Variants in VAV2 observed in about 807,000 individuals in gnomAD.
The protein encoded by VAV2 is guanine nucleotide exchange factor VAV2.
In VAV2, 67 loss-of-function variants were observed where a neutral mutation model predicts 132.5. That is an observed-to-expected ratio of 0.51 (90% confidence interval 0.42 to 0.62). VAV2 has a LOEUF of 0.62. Ranked by LOEUF, VAV2 falls within the 20% of genes least tolerant of loss-of-function variation. The pLI is 0.00. For missense variants in VAV2, 938 were observed against 1,153.6 expected, an observed-to-expected ratio of 0.81 and a Z score of 2.71; for synonymous variants, 492 against 443.5, an observed-to-expected ratio of 1.11 and a Z score of -1.37.
intron 3 of VAV2, among the ~76,000 whole-genome samples, chr9:133,853,953 T>C (rs768898621): frequency 6.6e-6 from 1 of 152,076 alleles, no homozygotes; most frequent in South Asian, 2.1e-4. Flanking sequence ...ATGAGCAAGA[T>C]CCAGGCCTGC....
intron 1 of VAV2, among the ~76,000 whole-genome samples, chr9:133,948,716 T>A (rs111894455): frequency 0.024 from 3,598 of 152,324 alleles, 131 homozygotes; most frequent in African/African-American, 0.083. Flanking sequence ...GTCCGGTGGC[T>A]CTTCCACTTT....
intron 1 of VAV2, among the ~76,000 whole-genome samples, chr9:133,940,891 T>C (rs1479892933): frequency 1.3e-5 from 2 of 148,698 alleles, no homozygotes; most frequent in Middle Eastern, 3.4e-3. Flanking sequence ...TTCCCTAATA[T>C]ATAAAGGACA....
At chr9:133,871,223 C>T (rs1426220695) in intron 2 of VAV2, among the ~76,000 whole-genome samples, 2 of 103,270 alleles carry the variant, frequency 1.9e-5, no homozygotes, top group South Asian at 3.5e-4. Context: ...TAAGTGGGTA[C>T]GTAGGTGGGT....
chr9:133,941,038 G>C (rs983266863), intron 1 of VAV2, among the ~76,000 whole-genome samples: 3 of 151,958 alleles, frequency 2.0e-5, no homozygotes, highest in African/African-American at 7.3e-5. Context: ...GAACTTTCTG[G>C]AATGACAGGA....
chr9:133,801,743 A>G (rs545383156), intron 9 of VAV2, among the ~76,000 whole-genome samples: 1 of 152,316 alleles, frequency 6.6e-6, no homozygotes, highest in East Asian at 1.9e-4. Context: ...CCTGACTCCA[A>G]TGAGAGTGGC....
chr9:133,915,048 G>C (rs1840027730), intron 2 of VAV2, among the ~76,000 whole-genome samples: 1 of 152,118 alleles, frequency 6.6e-6, no homozygotes, highest in Admixed American at 6.5e-5. Flanking sequence ...TGGGAATCTT[G>C]AAAACACCAA....
intron 12 of VAV2, among the ~76,000 whole-genome samples, chr9:133,793,612 C>A (rs7045014): frequency 6.6e-6 from 1 of 152,110 alleles, no homozygotes; most frequent in Non-Finnish European, 1.5e-5. Flanking sequence ...GCGGCCCCTG[C>A]GTGCACCTGG....
Position 133,788,139 on chromosome 9 carries a change from C to T in VAV2, c.1407+215G>A, listed in dbSNP as rs554922686. 1.7e-4 allele frequency among the ~76,000 whole-genome samples: 26 copies of T among 152,292 alleles called. No homozygotes were observed. The highest frequency in any genetic ancestry group is 4.3e-4 in the African/African-American group (18 of 41,562). On this transcript the variant is annotated intron_variant, in intron 15 of 29. Transcript: ENST00000371850. This position sits in a 1 kb window ranked among gnomAD's most constrained non-coding sequence, Gnocchi z 5.3. ...CCACCTTTCTGGGGGGCGCTGGGCC[C>T]GGCGAGGAGCAGGCCTGCTATGAGC...
At chr9:133,767,745 T>C (rs1404913666) in intron 29 of VAV2, among the ~76,000 whole-genome samples, 1 of 152,234 alleles carries the variant, frequency 6.6e-6, no homozygotes, top group Non-Finnish European at 1.5e-5. Context: ...ACTGGCCCTC[T>C]GAAGCCCCAT....
In VAV2 at chr9:133,870,698, T is replaced by C. The variant is rs55977312; in HGVS notation, c.322-9266A>G. Among the ~76,000 whole-genome samples the C allele has an allele frequency of 7.5e-3, 1,128 of 150,624 alleles. 18 individuals carry two copies. Among genetic ancestry groups the C allele is most frequent in the African/African-American group, 0.026 (1,056 of 40,816 alleles). On this transcript the variant is annotated intron_variant, in intron 2 of 29. Transcript: ENST00000371850. ...ATAAGTCGGTGGGTGGGTGGATGGA[T>C]AAGTGGGTGGGTGGGTGAACAGACG...
intron 2 of VAV2, among the ~76,000 whole-genome samples, chr9:133,898,208 T>C (rs1839291168): frequency 6.6e-6 from 1 of 152,080 alleles, no homozygotes; most frequent in African/African-American, 2.4e-5. Flanking sequence ...CAGGTTGATC[T>C]AGTGTCACCG....
intron 1 of VAV2, among the ~76,000 whole-genome samples, chr9:133,965,984 T>C (rs1842128563): frequency 6.6e-6 from 1 of 152,124 alleles, no homozygotes; most frequent in Non-Finnish European, 1.5e-5. Flanking sequence ...AATCCACACA[T>C]TTACAGTCAA....
At chr9:133,985,206 C>T (rs1842817328) in intron 1 of VAV2, among the ~76,000 whole-genome samples, 1 of 151,300 alleles carries the variant, frequency 6.6e-6, no homozygotes, top group African/African-American at 2.4e-5. Flanking sequence ...ACTGAGCACA[C>T]CTCATCCTAT....
chr9:133,992,242 C>G lies in VAV2; in HGVS notation c.37G>C (p.Asp13His). ...QWRQCGRWLI[D>H]CKVLPPNHRV... The stretch of plus-strand genomic sequence containing the variant: ...TGGTTGGGCGGCAGGACCTTGCAAT[C>G]GATGAGCCAGCGGCCGCACTGCCGC... The change falls in exon 1 of 30, where the codon GAT (aspartate) becomes CAT (histidine). Residue 13 changes from aspartate to histidine, a missense_variant. By Grantham distance (81) the Asp-to-His change is moderately conservative. Coordinates refer to ENST00000371850, the MANE Select transcript of VAV2 (RefSeq NM_001134398.2). The surrounding 1 kb of genome is among the most constrained non-coding windows in gnomAD (Gnocchi z 5.5). 1.3e-6 allele frequency: 2 copies of G among 1,584,404 alleles called. No individual in the cohort carries two copies. The highest frequency in any genetic ancestry group is 2.4e-5 in the East Asian group (1 of 42,546).
chr9:133,796,015 C>T (rs576934636), intron 11 of VAV2, among the ~76,000 whole-genome samples: 13 of 152,260 alleles, frequency 8.5e-5, no homozygotes, highest in Non-Finnish European at 1.6e-4. Context: ...AAGCAAGGCG[C>T]TGTGCCAGCA....
chr9:133,768,712 C>G lies in VAV2; in HGVS notation c.2435-116G>C. 1 of 1,310,234 alleles carries G rather than the reference C, an allele frequency of 7.6e-7. No individual in the cohort carries two copies. 81.2% of individuals were successfully genotyped at this position (1,310,234 alleles called of 1,614,324 possible). A position where few individuals can be genotyped will look rare whatever the true frequency, so the allele number is the denominator to read the frequency against. On this transcript the variant is annotated intron_variant, in intron 28 of 29. Transcript: ENST00000371850. The surrounding 1 kb of genome is among the most constrained non-coding windows in gnomAD (Gnocchi z 5.3). ...TGGTGCCCAGAACCCTGCTCTGTAC[C>G]CAGAGAGGAAGGATGTCAAGCAGAA... is the stretch of plus-strand genomic sequence containing the variant.
At chr9:133,881,674 G>T (rs1180907203) in intron 2 of VAV2, among the ~76,000 whole-genome samples, 2 of 152,220 alleles carry the variant, frequency 1.3e-5, no homozygotes, top group African/African-American at 4.8e-5. Context: ...CCTACAAGTG[G>T]CCGGGAACTT....
At chr9:133,854,013 C>A (rs949458861) in intron 3 of VAV2, among the ~76,000 whole-genome samples, 16 of 152,150 alleles carry the variant, frequency 1.1e-4, no homozygotes, top group Admixed American at 2.0e-4. Flanking sequence ...CATATATACA[C>A]ACACGTGTGC....
rs549229940 is a variant in VAV2, at chr9:133,786,873, C to T, written c.1422+373G>A. 2.6e-5 allele frequency among the ~76,000 whole-genome samples: 4 copies of T among 151,358 alleles called. 1 individual carries two copies. In the South Asian group the frequency reaches 8.4e-4, roughly 32 times the overall value. ...AGGGATGGAGAGGGGAAGCGTGGAG[C>T]GGGGATGGGAGGAGGAAAGAAACAA... On this transcript the variant is annotated intron_variant, in intron 16 of 29. Coordinates refer to ENST00000371850, the MANE Select transcript of VAV2 (RefSeq NM_001134398.2).
Sources: allele counts gnomAD v4.1 joint callset (sites outside exome capture counted in the v4.1 genomes callset), GRCh38; gene constraint gnomAD v4.1.1; non-coding constraint Gnocchi (gnomAD v3.1); transcripts MANE v1.5; gene names NCBI Gene and HGNC (gene_info 2026-07-23, HGNC 2026-07-21).